Variants in GALNT13 observed in about 807,000 individuals in gnomAD.
GALNT13 encodes UDP-GalNAc:polypeptide N-acetylgalactosaminyltransferase 13.
A neutral mutation model predicts 64.2 loss-of-function variants in GALNT13; 28 were observed. That is an observed-to-expected ratio of 0.44 (90% CI 0.32 to 0.60). The LOEUF is 0.60. Among genes scored for constraint, GALNT13 ranks in the 20% least tolerant of loss-of-function variants. GALNT13 has a pLI of 0.05. For missense variants in GALNT13, 577 were observed against 669.8 expected (o/e 0.86, Z 1.53); for synonymous variants, 214 against 224.6 (o/e 0.95, Z 0.42).
At chr2:154,269,925 T>TATATATATATATATATATATATATA (rs1421612508) in intron 8 of GALNT13, among the ~76,000 whole-genome samples, 84 of 139,020 alleles carry the variant, frequency 6.0e-4, no homozygotes, top group South Asian at 1.6e-3. Context: ...TATATATATA[T>TATATATATATATATATATATATATA]TTCTAAAGCA....
intron 4 of GALNT13, among the ~76,000 whole-genome samples, chr2:154,192,142 A>G (rs960838393): frequency 6.6e-6 from 1 of 152,146 alleles, no homozygotes; most frequent in South Asian, 2.1e-4. Flanking sequence ...TTCACCAGTC[A>G]TGGCTTGACG....
At chr2:154,082,584 A>G (rs1701326545) in intron 3 of GALNT13, among the ~76,000 whole-genome samples, 1 of 151,624 alleles carries the variant, frequency 6.6e-6, no homozygotes. Flanking sequence ...ATGAATACGT[A>G]CTATTGTTGT....
intron 6 of GALNT13, among the ~76,000 whole-genome samples, chr2:154,244,106 T>C (rs1689645019): frequency 6.6e-6 from 1 of 152,152 alleles, no homozygotes; most frequent in Admixed American, 6.5e-5. Context: ...TGTTGTTTTT[T>C]TTTTCCACAT....
chr2:154,224,227 C>T (rs144994140), intron 4 of GALNT13, among the ~76,000 whole-genome samples: 112 of 152,128 alleles, frequency 7.4e-4, no homozygotes, highest in Admixed American at 1.2e-3. Context: ...TAAATCTTCA[C>T]ATTTTAATAG....
the GALNT13 span, among the ~76,000 whole-genome samples, chr2:153,675,977 A>G: frequency 6.6e-6 from 1 of 152,160 alleles, no homozygotes; most frequent in East Asian, 1.9e-4. Context: ...GGAGCAAATC[A>G]GCCCCAAAGC....
the GALNT13 span, among the ~76,000 whole-genome samples, chr2:153,176,751 C>T: frequency 4.3e-5 from 6 of 139,220 alleles, no homozygotes; most frequent in African/African-American, 7.9e-5. Flanking sequence ...AGAAAAAATT[C>T]GTAGAAGTTG....
chr2:153,267,299 G>A, the GALNT13 span, among the ~76,000 whole-genome samples: 2 of 152,154 alleles, frequency 1.3e-5, no homozygotes, highest in Non-Finnish European at 2.9e-5. Context: ...ACTCTGTGTG[G>A]GGGCTCCACC....
intron 4 of GALNT13, among the ~76,000 whole-genome samples, chr2:154,199,660 TTATC>T (rs1033040279): frequency 6.6e-6 from 1 of 151,938 alleles, no homozygotes; most frequent in African/African-American, 2.4e-5. Flanking sequence ...GTATTAGAAT[TTATC>T]TATTAGTAAA....
chr2:154,147,636 A>T (rs950130209), intron 4 of GALNT13, among the ~76,000 whole-genome samples: 1 of 151,886 alleles, frequency 6.6e-6, no homozygotes, highest in South Asian at 2.1e-4. Flanking sequence ...GTAAACAGGT[A>T]TGGAGCCTGG....
chr2:153,494,162 A>G, the GALNT13 span, among the ~76,000 whole-genome samples: 1 of 152,082 alleles, frequency 6.6e-6, no homozygotes, highest in African/African-American at 2.4e-5. Context: ...AAAAAGATGT[A>G]CCATGTTTAC....
chr2:154,213,183 A>G (rs76944528), intron 4 of GALNT13, among the ~76,000 whole-genome samples: 4,558 of 152,076 alleles, frequency 0.03, 115 homozygotes, highest in Non-Finnish European at 0.044. Context: ...GCTCACTGCA[A>G]CCTCCACCCC....
intron 10 of GALNT13, 136 bp downstream of exon 10, chr2:154,396,266 A>G: frequency 4.1e-6 from 2 of 491,766 alleles, no homozygotes; most frequent in Non-Finnish European, 6.7e-6. Context: ...AACTTCTCAT[A>G]TTTCAAGGAC....
At chr2:154,046,935 G>A (rs1347040466) in intron 3 of GALNT13, among the ~76,000 whole-genome samples, 1 of 64,806 alleles carries the variant, frequency 1.5e-5, no homozygotes, top group East Asian at 2.2e-3. Context: ...CACTTAGTCT[G>A]TGGGTTTTTT....
the GALNT13 span, among the ~76,000 whole-genome samples, chr2:153,260,921 T>G: frequency 4.9e-5 from 7 of 142,108 alleles, no homozygotes; most frequent in African/African-American, 2.2e-4. Context: ...TAGCTATGTA[T>G]TTTCAAATAG....
the GALNT13 span, among the ~76,000 whole-genome samples, chr2:153,389,119 A>G: frequency 0.15 from 22,239 of 152,074 alleles, 1,695 homozygotes; most frequent in African/African-American, 0.16. Flanking sequence ...ACATGCATAG[A>G]GTTGTTAATT....
At chr2:153,258,317 T>C in the GALNT13 span, among the ~76,000 whole-genome samples, 1 of 152,090 alleles carries the variant, frequency 6.6e-6, no homozygotes, top group African/African-American at 2.4e-5. Flanking sequence ...AAAACTGTGA[T>C]CCACAAATTA....
chr2:153,248,158 T>A, the GALNT13 span, among the ~76,000 whole-genome samples: 418 of 152,286 alleles, frequency 2.7e-3, 3 homozygotes, highest in African/African-American at 9.5e-3. Flanking sequence ...TACCATTCCT[T>A]CTGAAACTAT....
the GALNT13 span, chr2:153,423,479 A>G: frequency 6.6e-6 from 1 of 152,016 alleles, no homozygotes; most frequent in East Asian, 1.9e-4. Context: ...TCTATTCATC[A>G]TTGTGTGGAG....
At chr2:153,240,324 G>A in the GALNT13 span, among the ~76,000 whole-genome samples, 3 of 152,074 alleles carry the variant, frequency 2.0e-5, no homozygotes, top group African/African-American at 7.2e-5. Flanking sequence ...CTGGCTCTGT[G>A]TGAATTGCTC....
Sources: allele counts gnomAD v4.1 joint callset (sites outside exome capture counted in the v4.1 genomes callset), GRCh38; gene constraint gnomAD v4.1.1; transcripts MANE v1.5; gene names NCBI Gene and HGNC (gene_info 2026-07-23, HGNC 2026-07-21).